Variants in GALNTL6 observed in about 807,000 individuals in gnomAD.
GALNTL6 encodes polypeptide N-acetylgalactosaminyltransferase like 6.
In GALNTL6, 46 loss-of-function variants were observed where a neutral mutation model predicts 73.7. That is an observed-to-expected ratio of 0.62 (90% CI 0.49 to 0.80). The LOEUF (loss-of-function observed/expected upper bound fraction) is 0.80. Ranked by LOEUF, GALNTL6 falls within the 30% of genes least tolerant of loss-of-function variation. The pLI is 0.00. For missense variants in GALNTL6, 604 were observed against 755.0 expected (o/e 0.80, Z 2.34); for synonymous variants, 259 against 263.7 (o/e 0.98, Z 0.17).
At chr4:172,137,317 C>T (rs965708455) in intron 2 of GALNTL6, among the ~76,000 whole-genome samples, 1 of 152,050 alleles carries the variant, frequency 6.6e-6, no homozygotes, top group African/African-American at 2.4e-5. Context: ...TATTTTGAAG[C>T]TATATATACA....
intron 2 of GALNTL6, among the ~76,000 whole-genome samples, chr4:172,002,325 A>G (rs1740699389): frequency 6.6e-6 from 1 of 152,096 alleles, no homozygotes; most frequent in African/African-American, 2.4e-5. Context: ...TGCCCTTATA[A>G]AAGAGGCCTC....
chr4:172,563,470 T>C (rs1433595705), intron 5 of GALNTL6, among the ~76,000 whole-genome samples: 1 of 152,354 alleles, frequency 6.6e-6, no homozygotes, highest in East Asian at 1.9e-4. Flanking sequence ...TTTTGAAAAA[T>C]GTCATAGCTA....
intron 3 of GALNTL6, among the ~76,000 whole-genome samples, chr4:172,246,094 A>G (rs1737646908): frequency 6.6e-6 from 1 of 152,188 alleles, no homozygotes; most frequent in Non-Finnish European, 1.5e-5. Flanking sequence ...CATAGATACT[A>G]TAATAAGATG....
At chr4:172,238,892 A>T (rs1737327429) in intron 3 of GALNTL6, among the ~76,000 whole-genome samples, 1 of 152,128 alleles carries the variant, frequency 6.6e-6, no homozygotes, top group Admixed American at 6.5e-5. Flanking sequence ...TCTTTATGTG[A>T]TGAATCACAT....
chr4:171,820,418 T>C (rs1734649085), intron 2 of GALNTL6, among the ~76,000 whole-genome samples: 1 of 152,232 alleles, frequency 6.6e-6, no homozygotes, highest in Non-Finnish European at 1.5e-5. Flanking sequence ...TTAAATGTAT[T>C]CATTTTATTA....
intron 2 of GALNTL6, among the ~76,000 whole-genome samples, chr4:171,896,987 A>G (rs1446062328): frequency 6.6e-6 from 1 of 151,604 alleles, no homozygotes; most frequent in Non-Finnish European, 1.5e-5. Context: ...ATAATAGATC[A>G]ATAATAGACC....
intron 5 of GALNTL6, among the ~76,000 whole-genome samples, chr4:172,404,133 G>T (rs1447862526): frequency 6.6e-6 from 1 of 151,800 alleles, no homozygotes; most frequent in Non-Finnish European, 1.5e-5. Flanking sequence ...GTTTAACACA[G>T]AGAAGCATGC....
intron 2 of GALNTL6, among the ~76,000 whole-genome samples, chr4:171,918,003 G>A (rs370251365): frequency 6.6e-6 from 1 of 152,016 alleles, no homozygotes; most frequent in South Asian, 2.1e-4. Context: ...TTTAATGGTA[G>A]GGATATGTTA....
At chr4:172,385,519 A>G (rs964160286) in intron 5 of GALNTL6, among the ~76,000 whole-genome samples, 3 of 151,852 alleles carry the variant, frequency 2.0e-5, no homozygotes, top group Non-Finnish European at 4.4e-5. Context: ...TTTTTTCATT[A>G]TAAAATATAT....
At chr4:172,857,127 T>G (rs1391765174) in intron 7 of GALNTL6, among the ~76,000 whole-genome samples, 2 of 152,218 alleles carry the variant, frequency 1.3e-5, no homozygotes, top group Non-Finnish European at 2.9e-5. Context: ...GACTTCAGTC[T>G]TCATCACTGT....
intron 5 of GALNTL6, among the ~76,000 whole-genome samples, chr4:172,425,596 A>C (rs1731199497): frequency 6.6e-6 from 1 of 152,024 alleles, no homozygotes; most frequent in Admixed American, 6.6e-5. Flanking sequence ...GCTGTCTATC[A>C]CAGAATACAC....
intron 12 of GALNTL6, among the ~76,000 whole-genome samples, chr4:173,022,114 G>GGAAA (rs1753033768): frequency 1.5e-5 from 2 of 131,694 alleles, no homozygotes; most frequent in African/African-American, 6.2e-5. Context: ...AAGGAAAGAA[G>GGAAA]GAAGGAAGGA....
chr4:172,544,164 G>GT (rs775287122), intron 5 of GALNTL6, among the ~76,000 whole-genome samples: 8 of 152,086 alleles, frequency 5.3e-5, no homozygotes, highest in Non-Finnish European at 1.0e-4. Context: ...CCTGGTATAG[G>GT]TTTTTTTCCT....
At chr4:172,232,151 C>T (rs750952149) in intron 3 of GALNTL6, among the ~76,000 whole-genome samples, 11 of 152,084 alleles carry the variant, frequency 7.2e-5, no homozygotes, top group South Asian at 2.1e-4. Context: ...ATCAAATAAA[C>T]ATCTTTGTAC....
intron 2 of GALNTL6, among the ~76,000 whole-genome samples, chr4:171,819,294 A>C (rs190877625): frequency 3.7e-4 from 56 of 152,166 alleles, no homozygotes; most frequent in Non-Finnish European, 7.8e-4. Context: ...CACTGTAACA[A>C]GTATCTTAAT....
chr4:172,922,788 G>A (rs1328348747), intron 8 of GALNTL6, among the ~76,000 whole-genome samples: 1 of 152,224 alleles, frequency 6.6e-6, no homozygotes, highest in Non-Finnish European at 1.5e-5. Context: ...AGATATAATA[G>A]TGAAAAAGAA....
chr4:172,163,370 A>G (rs1734530211), intron 2 of GALNTL6, among the ~76,000 whole-genome samples: 1 of 151,892 alleles, frequency 6.6e-6, no homozygotes, highest in Non-Finnish European at 1.5e-5. Context: ...CATTATTTTT[A>G]TGATATACTG....
intron 8 of GALNTL6, among the ~76,000 whole-genome samples, chr4:172,902,037 A>G (rs1382539583): frequency 6.6e-6 from 1 of 152,142 alleles, no homozygotes; most frequent in Non-Finnish European, 1.5e-5. Flanking sequence ...CAATCCTTCA[A>G]CCAGCTTTTA....
chr4:172,742,270 C>T (rs1466611494), intron 5 of GALNTL6, among the ~76,000 whole-genome samples: 2 of 151,884 alleles, frequency 1.3e-5, no homozygotes, highest in Non-Finnish European at 2.9e-5. Context: ...TTTCATTAAA[C>T]TTTACTATTA....
Sources: allele counts gnomAD v4.1 joint callset (sites outside exome capture counted in the v4.1 genomes callset), GRCh38; gene constraint gnomAD v4.1.1; transcripts MANE v1.5; gene names NCBI Gene and HGNC (gene_info 2026-07-23, HGNC 2026-07-21).